CTTNBP2: variants seen among roughly 807,000 people sequenced by gnomAD.
The protein encoded by CTTNBP2 is cortactin binding protein 2, also known as cortactin-binding protein 2.
Under a neutral mutation model 156.9 loss-of-function variants are expected in CTTNBP2, and 108 were observed. That is an observed-to-expected ratio of 0.69 (90% confidence interval 0.59 to 0.81). CTTNBP2 has a LOEUF of 0.81. Ranked by LOEUF, CTTNBP2 falls within the 30% of genes least tolerant of loss-of-function variation. The pLI is 0.00. For synonymous variants in CTTNBP2, 767 were observed against 751.8 expected, an observed-to-expected ratio of 1.02 and a Z score of -0.33; for missense variants, 1,924 against 2,035.4, an observed-to-expected ratio of 0.95 and a Z score of 1.05.
At position 117,792,676 on chromosome 7, in the gene CTTNBP2, G is replaced by A. The variant is rs1296986332; in HGVS notation, c.520C>T (p.Leu174=). 6.2e-7 allele frequency: 1 copy of A among 1,614,024 alleles called. No homozygotes were observed. The highest frequency in any genetic ancestry group is 1.3e-5 in the African/African-American group (1 of 75,020). Residue 174 remains leucine (L), a synonymous_variant, in exon 4 of 23, where the codon CTG becomes TTG. Transcript: ENST00000160373. The surrounding 1 kb of genome is among the most constrained non-coding windows in gnomAD (Gnocchi z 4.2). ...RGKNKQVVLM[L]VKECKQLSGK... ...GAGAGCTGCTTGCACTCTTTGACCA[G>A]CATCAGGACCACCTGCTTGTTCTTG...
intron 2 of CTTNBP2, among the ~76,000 whole-genome samples, chr7:117,826,751 TAAAG>T (rs996377237): frequency 3.3e-5 from 5 of 151,384 alleles, no homozygotes; most frequent in African/African-American, 1.2e-4. Flanking sequence ...ATAGCTCCTA[TAAAG>T]AGATGACTTA....
chr7:117,724,864 C>A (rs769804156), intron 18 of CTTNBP2, 132 bp from the exon 19 acceptor site: 1 of 1,159,454 alleles, frequency 8.6e-7, no homozygotes, highest in South Asian at 1.5e-5. Context: ...GTTTTGTGAA[C>A]CAGCACCAAC....
At chr7:117,833,492 TG>T (rs1446349402) in intron 2 of CTTNBP2, among the ~76,000 whole-genome samples, 2 of 152,244 alleles carry the variant, frequency 1.3e-5, no homozygotes, top group Non-Finnish European at 2.9e-5. Flanking sequence ...GTTCACCATG[TG>T]GTTTCATGCC....
intron 2 of CTTNBP2, among the ~76,000 whole-genome samples, chr7:117,841,416 C>CTT (rs368554803): frequency 1.3e-5 from 2 of 149,478 alleles, no homozygotes; most frequent in African/African-American, 4.9e-5. Context: ...TACTTTCTGT[C>CTT]TTTTTTTTTT....
chr7:117,765,092 C>A (rs945290443), intron 9 of CTTNBP2, among the ~76,000 whole-genome samples: 5 of 152,112 alleles, frequency 3.3e-5, no homozygotes, highest in African/African-American at 9.7e-5. Context: ...TATGCCACCA[C>A]GCCCAGATAA....
At chr7:117,755,882 G>A (rs1162969915) in intron 12 of CTTNBP2, among the ~76,000 whole-genome samples, 2 of 152,212 alleles carry the variant, frequency 1.3e-5, no homozygotes, top group Non-Finnish European at 2.9e-5. Flanking sequence ...AATGACGTGT[G>A]CAATTCCCCT....
At chr7:117,717,956 TTTGTGAAGTCAA>T in intron 22 of CTTNBP2, 50 bp downstream of exon 22, 1 of 1,023,138 alleles carries the variant, frequency 9.8e-7, no homozygotes, top group East Asian at 2.4e-5. Context: ...TGAAAGATGA[TTTGTGAAGTCAA>T]TTCCACAGCA....
intron 12 of CTTNBP2, among the ~76,000 whole-genome samples, chr7:117,747,465 C>T (rs942996371): frequency 2.0e-5 from 3 of 152,118 alleles, no homozygotes; most frequent in African/African-American, 7.2e-5. Flanking sequence ...TTTTCCTTAC[C>T]CTAGGCCTTT....
At chr7:117,727,623 T>C (rs1009070798) in intron 17 of CTTNBP2, among the ~76,000 whole-genome samples, 1 of 152,240 alleles carries the variant, frequency 6.6e-6, no homozygotes, top group African/African-American at 2.4e-5. Context: ...TTTTTTCTCA[T>C]TTCAACTTTC....
Position 117,784,393 on chromosome 7 carries a change from C to A in CTTNBP2, c.2130G>T (p.Arg710Ser). Residue 710 changes from arginine to serine, a missense_variant, in exon 5 of 23, where the codon AGG becomes AGT. Physicochemically the swap from Arg to Ser is moderately radical, Grantham distance 110. Transcript: ENST00000160373. The stretch of plus-strand genomic sequence containing the variant: ...CAGCAGCTTGCTGAAGAAGGGTGGG[C>A]CTGCCAGCCAGGGGGGCAGGACCAC... ...MSGGPAPLAG[R>S]PTLLQQAAAQ... The A allele has an allele frequency of 6.2e-7, 1 of 1,613,192 alleles. No homozygotes were observed. The highest frequency in any genetic ancestry group is 8.5e-7 in the Non-Finnish European group (1 of 1,179,746).
chr7:117,765,371 A>G (rs1562984960), intron 9 of CTTNBP2, among the ~76,000 whole-genome samples: 1 of 152,242 alleles, frequency 6.6e-6, no homozygotes, highest in Non-Finnish European at 1.5e-5. Context: ...AAAGACCTTA[A>G]GAAATGATCC....
At chr7:117,802,460 AAAAC>A (rs1285403008) in intron 3 of CTTNBP2, among the ~76,000 whole-genome samples, 3 of 149,304 alleles carry the variant, frequency 2.0e-5, no homozygotes, top group African/African-American at 7.5e-5. Context: ...AAAAAAAACA[AAAAC>A]AAACAAACAA....
At chr7:117,761,450 A>T (rs1027003297) in intron 9 of CTTNBP2, among the ~76,000 whole-genome samples, 1 of 152,222 alleles carries the variant, frequency 6.6e-6, no homozygotes, top group East Asian at 1.9e-4. Context: ...ACTGAATTGT[A>T]TGCTGAGTTA....
In CTTNBP2 at chr7:117,710,690, TAACTG is replaced by T. The variant is rs1273190048; in HGVS notation, c.*842_*846del. The stretch of plus-strand genomic sequence containing the variant: ...TATTTTATTCAGTGTCAAAGCATCT[TAACTG>T]AATTGTGTAAGTAATTTTGTCTGTA... On this transcript the variant is annotated 3_prime_UTR_variant, in exon 23 of 23. Transcript: ENST00000160373. The T allele has an allele frequency of 2.0e-5, 3 of 152,620 alleles. No individual in the cohort carries two copies. Among genetic ancestry groups the T allele is most frequent in the African/African-American group, 4.8e-5 (2 of 41,450 alleles). 9.5% of individuals were successfully genotyped at this position (152,620 alleles called of 1,614,324 possible).
chr7:117,810,783 A>G lies in CTTNBP2; in HGVS notation c.396T>C (p.Ala132=), dbSNP rs767955303. 4 of 1,613,274 alleles carry G rather than the reference A, an allele frequency of 2.5e-6. No homozygotes were observed. The highest frequency in any genetic ancestry group is 3.4e-6 in the Non-Finnish European group (4 of 1,179,954). ...TCAATACCTTCTTTTGTCTGCTCTC[A>G]GCAGCAGCCAGCTGTGCGGACATCC... is the stretch of plus-strand genomic sequence containing the variant. ...QERMSAQLAA[A]ESRQKKLEME... Residue 132 remains alanine, a synonymous_variant, in exon 3 of 23, where the codon GCT becomes GCC. Transcript: ENST00000160373.
rs781080350 is a variant in CTTNBP2, at chr7:117,717,977, C to A, written c.4746+41G>T. ...ATGATTTGTGAAGTCAATTCCACAG[C>A]AATCATCCTTTGTTCACTTTGGGGA... On this transcript the variant is annotated intron_variant, in intron 22 of 22. Coordinates refer to ENST00000160373, the MANE Select transcript of CTTNBP2 (RefSeq NM_033427.3). The A allele has an allele frequency of 1.7e-5, 20 of 1,210,848 alleles. No homozygotes were observed. The South Asian group carries it at 2.2e-4, about 13-fold the overall frequency. The allele number at this position is 1,210,848 out of a possible 1,614,324, so 75.0% of individuals were successfully genotyped here. A position where few individuals can be genotyped will look rare whatever the true frequency, so the allele number is the denominator to read the frequency against.
chr7:117,718,192 T>C, intron 21 of CTTNBP2, 73 bp from the exon 22 acceptor site: 1 of 884,730 alleles, frequency 1.1e-6, no homozygotes, highest in Non-Finnish European at 1.9e-6. Flanking sequence ...AGCTAAATGG[T>C]GGAGAAATCA....
intron 7 of CTTNBP2, among the ~76,000 whole-genome samples, chr7:117,779,629 CTG>C (rs1798294027): frequency 6.6e-6 from 1 of 151,560 alleles, no homozygotes. Flanking sequence ...AAATATAAAA[CTG>C]TTTTCTCAGA....
At chr7:117,823,705 C>T (rs764354833) in intron 2 of CTTNBP2, among the ~76,000 whole-genome samples, 39 of 152,022 alleles carry the variant, frequency 2.6e-4, no homozygotes, top group Non-Finnish European at 4.4e-4. Flanking sequence ...GGACACTTTT[C>T]GTTTGTTTTT....
Sources: gnomAD v4.1 joint callset for allele counts (sites outside exome capture counted in the v4.1 genomes callset) on GRCh38, gnomAD v4.1.1 for gene constraint, Gnocchi (gnomAD v3.1) non-coding constraint, MANE v1.5 for transcripts, NCBI Gene and HGNC (gene_info 2026-07-23, HGNC 2026-07-21) for gene names.